The following OTUD7A variants were observed in gnomAD, a reference collection of about 807,000 sequenced individuals.
OTUD7A encodes the protein OTU deubiquitinase 7A.
OTUD7A carries 12 observed loss-of-function variants against 65.7 expected under a neutral mutation model. That is an observed-to-expected ratio of 0.18 (90% CI 0.12 to 0.30). OTUD7A has a LOEUF of 0.30. Among genes scored for constraint, OTUD7A ranks in the 10% least tolerant of loss-of-function variants. The probability of loss-of-function intolerance (pLI) is 1.00; values close to 1 mark genes in which losing one functional copy is unlikely to be tolerated. For missense variants in OTUD7A, 1,148 were observed against 1,304.8 expected (o/e 0.88, Z 1.85); for synonymous variants, 641 against 586.3 (o/e 1.09, Z -1.35).
chr15:31,597,172 C>T (rs985586662), intron 3 of OTUD7A, among the ~76,000 whole-genome samples: 2 of 152,174 alleles, frequency 1.3e-5, no homozygotes, highest in African/African-American at 4.8e-5. Flanking sequence ...AAGTAATCTG[C>T]CGGCCTTGGC....
Position 31,483,944 on chromosome 15 carries a change from G to T in OTUD7A, c.2152C>A (p.Pro718Thr). Residue 718 changes from proline (P) to threonine (T), a missense_variant, in exon 13 of 13, where the codon CCG becomes ACG. By Grantham distance (38) the Pro-to-Thr change is conservative. Transcript: ENST00000307050. ...AGCACCAGCTGCGTGGGTGGGCCCG[G>T]AGAGGCGCGCTCCGGGACCGGCACG... ...EGVPVPERAS[P>T]GPPTQLVLKL... The T allele has an allele frequency of 9.0e-7, 1 of 1,115,658 alleles. No homozygotes were observed. Among genetic ancestry groups the T allele is most frequent in the Non-Finnish European group, 1.1e-6 (1 of 905,186 alleles). The allele number at this position is 1,115,658 out of a possible 1,614,324, so 69.1% of individuals were successfully genotyped here. A position where few individuals can be genotyped will look rare whatever the true frequency, so the allele number is the denominator to read the frequency against.
intron 1 of OTUD7A, among the ~76,000 whole-genome samples, chr15:31,763,410 T>C (rs1895022413): frequency 6.6e-6 from 1 of 152,110 alleles, no homozygotes; most frequent in African/African-American, 2.4e-5. Flanking sequence ...AAATGTTCTT[T>C]AGATGGGTTA....
At chr15:31,534,730 A>G (rs1319631556) in intron 5 of OTUD7A, among the ~76,000 whole-genome samples, 2 of 152,312 alleles carry the variant, frequency 1.3e-5, no homozygotes, top group East Asian at 3.8e-4. Context: ...AATATACACA[A>G]ATCAATGGTA....
In OTUD7A at chr15:31,504,601, C is replaced by G. The variant is rs1293616727; in HGVS notation, c.894-783G>C. On this transcript the variant is annotated intron_variant, in intron 8 of 12. Coordinates refer to ENST00000307050, the MANE Select transcript of OTUD7A (RefSeq NM_001382637.1). ...GGAGCCTCGGCTGCACCTGCAGTGC[C>G]TGCCAGCTGAGATGACAGCACCAGC... 2.0e-5 allele frequency among the ~76,000 whole-genome samples: 3 copies of G among 152,342 alleles called. No homozygotes were observed. The East Asian group carries it at 5.8e-4, about 29-fold the overall frequency.
intron 3 of OTUD7A, among the ~76,000 whole-genome samples, chr15:31,634,215 G>A (rs1387800521): frequency 5.3e-5 from 8 of 152,120 alleles, no homozygotes; most frequent in African/African-American, 1.7e-4. Context: ...CTGGAGCCCC[G>A]TCAGGGCAGG....
intron 1 of OTUD7A, among the ~76,000 whole-genome samples, chr15:31,772,451 G>A (rs1169692576): frequency 1.3e-5 from 2 of 152,128 alleles, no homozygotes; most frequent in South Asian, 2.1e-4. Context: ...AAAAAATGAT[G>A]AGTTGTGGGG....
chr15:31,584,396 C>G (rs1326603884), intron 3 of OTUD7A, among the ~76,000 whole-genome samples: 1 of 152,128 alleles, frequency 6.6e-6, no homozygotes, highest in Non-Finnish European at 1.5e-5. Context: ...TTTTGACAAA[C>G]CAGAGGGCCT....
chr15:31,617,885 C>A (rs1197611255), intron 3 of OTUD7A, among the ~76,000 whole-genome samples: 1 of 151,920 alleles, frequency 6.6e-6, no homozygotes, highest in Non-Finnish European at 1.5e-5. Flanking sequence ...CCCATTAATT[C>A]GTCATTCACA....
At chr15:31,698,421 G>C (rs921312676) in intron 1 of OTUD7A, among the ~76,000 whole-genome samples, 10 of 152,178 alleles carry the variant, frequency 6.6e-5, no homozygotes, top group Non-Finnish European at 1.3e-4. Context: ...TGACAAGCCT[G>C]AACAGTGGTT....
In OTUD7A at chr15:31,726,631, G is replaced by C. The variant is rs564239015; in HGVS notation, c.-99-69554C>G. On this transcript the variant is annotated intron_variant, in intron 1 of 12. Coordinates refer to ENST00000307050, the MANE Select transcript of OTUD7A (RefSeq NM_001382637.1). ...CCTAAACTAGCCCCTTTCCCAAGAC[G>C]TATATTCCTTAAGAAATATGCCCTT... Among the ~76,000 whole-genome samples, 108 of 152,250 alleles carry C rather than the reference G, an allele frequency of 7.1e-4. 1 individual carries two copies. Among genetic ancestry groups the C allele is most frequent in the African/African-American group, 2.6e-3 (107 of 41,546 alleles).
rs1343757183 is a variant in OTUD7A, at chr15:31,480,258, A to C, written c.*3036T>G. 3 of 152,232 alleles carry C rather than the reference A, an allele frequency of 2.0e-5. No individual in the cohort carries two copies. Among genetic ancestry groups the C allele is most frequent in the African/African-American group, 7.2e-5 (3 of 41,450 alleles). The allele number at this position is 152,232 out of a possible 1,614,324, so 9.4% of individuals were successfully genotyped here. On this transcript the variant is annotated 3_prime_UTR_variant, in exon 13 of 13. Transcript: ENST00000307050. ...CTACCAACAGAATACACTGAAAAACACCTTCCCTTAACAATATTTTAAAAA... is the reference window on the plus strand; with the variant it reads ...CTACCAACAGAATACACTGAAAAACCCCTTCCCTTAACAATATTTTAAAAA...
chr15:31,599,601 T>A (rs1368291062), intron 3 of OTUD7A, among the ~76,000 whole-genome samples: 5 of 152,006 alleles, frequency 3.3e-5, no homozygotes, highest in Admixed American at 1.3e-4. Flanking sequence ...GGATCACAAC[T>A]CCTCGCCAGC....
rs1164040709 is a variant in OTUD7A at position 31,658,446 on chromosome 15, G to A, written c.-99-1369C>T. Among the ~76,000 whole-genome samples, 6 of 152,180 alleles carry A rather than the reference G, an allele frequency of 3.9e-5. No individual in the cohort carries two copies. The East Asian group carries it at 7.7e-4, about 20-fold the overall frequency. ...TGCCTTCAATTCCGTCTTCTTTCCC[G>A]TATCCGAGGTTGCAGTGTTCATTGA... On this transcript the variant is annotated intron_variant, in intron 1 of 12. Coordinates refer to ENST00000307050, the MANE Select transcript of OTUD7A (RefSeq NM_001382637.1).
At chr15:31,599,550 G>T (rs541164883) in intron 3 of OTUD7A, among the ~76,000 whole-genome samples, 5 of 152,254 alleles carry the variant, frequency 3.3e-5, no homozygotes, top group East Asian at 1.9e-4. Context: ...GCGCAAAAAG[G>T]CTGAAAATTC....
chr15:31,676,188 G>A (rs1395566145), intron 1 of OTUD7A, among the ~76,000 whole-genome samples: 1 of 152,244 alleles, frequency 6.6e-6, no homozygotes, highest in Admixed American at 6.5e-5. Context: ...AGAGATGTGT[G>A]AGGGTAGTGG....
In OTUD7A at chr15:31,734,297, A is replaced by G. The variant is rs1180590954; in HGVS notation, c.-99-77220T>C. Among the ~76,000 whole-genome samples the G allele has an allele frequency of 3.3e-5, 5 of 152,220 alleles. No homozygotes were observed. The East Asian group carries it at 7.7e-4, about 23-fold the overall frequency. On this transcript the variant is annotated intron_variant, in intron 1 of 12. Transcript: ENST00000307050. ...GAAACATTTCATGCTCATGGATAGG[A>G]AGAATCAATATGATTGAAGTGGCCA...
chr15:31,862,515 T>C (rs898995964), intron 1 of OTUD7A, among the ~76,000 whole-genome samples: 1 of 150,992 alleles, frequency 6.6e-6, no homozygotes, highest in Non-Finnish European at 1.5e-5. Flanking sequence ...TGGCGGGAGG[T>C]GAAAGGCACT....
chr15:31,687,107 G>A (rs1271411376), intron 1 of OTUD7A, among the ~76,000 whole-genome samples: 7 of 146,422 alleles, frequency 4.8e-5, no homozygotes, highest in African/African-American at 5.0e-5. Context: ...GATTTAAATA[G>A]AAAAAAAAAA....
At position 31,487,225 on chromosome 15, in the gene OTUD7A, A is replaced by G; in HGVS notation, c.1340T>C (p.Val447Ala). The G allele has an allele frequency of 6.2e-7, 1 of 1,613,938 alleles. No individual in the cohort carries two copies. Among genetic ancestry groups the G allele is most frequent in the Non-Finnish European group, 8.5e-7 (1 of 1,179,970 alleles). Residue 447 changes from valine (V) to alanine (A), a missense_variant, in exon 12 of 13, where the codon GTG (valine) becomes GCG (alanine). By Grantham distance (64) the Val-to-Ala change is moderately conservative. Transcript: ENST00000307050. This position sits in a 1 kb window ranked among gnomAD's most constrained non-coding sequence, Gnocchi z 6.0. ...KLNLLHSYMNVTWIRIPSETR... is the reference protein window; with the variant it reads ...KLNLLHSYMNATWIRIPSETR... The stretch of plus-strand genomic sequence containing the variant: ...CTCGGAGGGGATCCGGATCCACGTC[A>G]CGTTCATGTAGCTGTGCAGAAGGTT...
Sources: gnomAD v4.1 joint callset for allele counts (sites outside exome capture counted in the v4.1 genomes callset) on GRCh38, gnomAD v4.1.1 for gene constraint, Gnocchi (gnomAD v3.1) non-coding constraint, MANE v1.5 for transcripts, NCBI Gene and HGNC (gene_info 2026-07-23, HGNC 2026-07-21) for gene names.